TMEM181: variants seen among roughly 807,000 people sequenced by gnomAD.
TMEM181 encodes G protein-coupled receptor 178.
A neutral mutation model predicts 71.9 loss-of-function variants in TMEM181; 39 were observed. That is an observed-to-expected ratio of 0.54 (90% confidence interval 0.42 to 0.71). The LOEUF is 0.71. Ranked by LOEUF, TMEM181 falls within the 30% of genes least tolerant of loss-of-function variation. TMEM181 has a pLI of 0.00. For missense variants in TMEM181, 595 were observed against 583.0 expected (o/e 1.02, Z -0.21); for synonymous variants, 245 against 228.8 (o/e 1.07, Z -0.64).
In TMEM181 at chr6:158,628,420, T is replaced by A. The variant is rs1208710840; in HGVS notation, c.1122T>A (p.Leu374=). Residue 374 remains leucine, a synonymous_variant, in exon 14 of 17, where the codon CTT becomes CTA. Coordinates refer to ENST00000684151, the MANE Select transcript of TMEM181 (RefSeq NM_001376852.1). Reference sequence around the variant, plus strand: ...CTGTCTTGTTCAGCATCGCCATCCTTTATTTGAGATTTGGGGCGCAAGTAC... The same window carrying A: ...CTGTCTTGTTCAGCATCGCCATCCTATATTTGAGATTTGGGGCGCAAGTAC... ...FVVLVISIAI[L]YLRFGAQVLQ... 1 of 1,614,052 alleles carries A rather than the reference T, an allele frequency of 6.2e-7. No individual in the cohort carries two copies. Among genetic ancestry groups the A allele is most frequent in the African/African-American group, 1.3e-5 (1 of 74,924 alleles).
At chr6:158,553,641 A>G (rs1203329615) in intron 1 of TMEM181, among the ~76,000 whole-genome samples, 1 of 152,268 alleles carries the variant, frequency 6.6e-6, no homozygotes, top group Non-Finnish European at 1.5e-5. Context: ...GAAGACCAAT[A>G]TAAAACTGTC....
intron 6 of TMEM181, among the ~76,000 whole-genome samples, chr6:158,596,132 G>A (rs915653767): frequency 5.9e-5 from 9 of 152,114 alleles, no homozygotes; most frequent in Non-Finnish European, 1.0e-4. Context: ...GCGTTAGCCA[G>A]GATGGTCTTG....
At chr6:158,566,175 G>A (rs1782481426) in intron 1 of TMEM181, among the ~76,000 whole-genome samples, 1 of 152,106 alleles carries the variant, frequency 6.6e-6, no homozygotes, top group Admixed American at 6.6e-5. Context: ...AGGACCAGGG[G>A]TTTGGTGTGA....
At chr6:158,611,255 G>C (rs1306515610) in intron 10 of TMEM181, 2 of 497,158 alleles carry the variant, frequency 4.0e-6, no homozygotes, top group Non-Finnish European at 8.2e-6. Context: ...ACTCCTGGCT[G>C]TTCCTTCTCA....
chr6:158,623,689 C>G (rs1269585101), intron 11 of TMEM181, 82 bp downstream of exon 11: 7 of 1,038,456 alleles, frequency 6.7e-6, no homozygotes, highest in Non-Finnish European at 1.0e-5. Context: ...TTAAATTGTT[C>G]TGTTGAGCTT....
chr6:158,610,700 T>C, intron 10 of TMEM181: 1 of 288,388 alleles, frequency 3.5e-6, no homozygotes, highest in Non-Finnish European at 6.7e-6. Context: ...GGAGACGTTA[T>C]GGGCGCTCAC....
At chr6:158,550,515 G>A (rs1388619033) in intron 1 of TMEM181, among the ~76,000 whole-genome samples, 1 of 151,734 alleles carries the variant, frequency 6.6e-6, no homozygotes, top group African/African-American at 2.4e-5. Flanking sequence ...AATTAGCTGG[G>A]CGTGGTGTCG....
chr6:158,625,328 C>T, intron 12 of TMEM181, 122 bp downstream of exon 12: 1 of 848,704 alleles, frequency 1.2e-6, no homozygotes, highest in South Asian at 1.5e-5. Flanking sequence ...GGTCCATTCC[C>T]ACAGGCTGGG....
intron 1 of TMEM181, among the ~76,000 whole-genome samples, chr6:158,537,347 C>T (rs1781159682): frequency 6.6e-6 from 1 of 152,046 alleles, no homozygotes; most frequent in South Asian, 2.1e-4. Flanking sequence ...CAGGACGCCT[C>T]GGAGGCGGGG....
At chr6:158,590,573 C>T (rs965202736) in intron 6 of TMEM181, among the ~76,000 whole-genome samples, 1 of 152,108 alleles carries the variant, frequency 6.6e-6, no homozygotes, top group Non-Finnish European at 1.5e-5. Context: ...AAGCAATTCT[C>T]CTGCCTCAGC....
At chr6:158,544,475 A>G (rs1781460543) in intron 1 of TMEM181, among the ~76,000 whole-genome samples, 1 of 151,392 alleles carries the variant, frequency 6.6e-6, no homozygotes, top group African/African-American at 2.4e-5. Context: ...CTGCTGGGGT[A>G]GTGTGTGTGT....
intron 1 of TMEM181, among the ~76,000 whole-genome samples, chr6:158,553,516 C>T (rs549975042): frequency 1.0e-3 from 154 of 152,252 alleles, no homozygotes; most frequent in African/African-American, 3.0e-3. Flanking sequence ...ATTAAACCAA[C>T]AATATTAAAT....
At chr6:158,605,496 G>A (rs1784904083) in intron 7 of TMEM181, 149 bp downstream of exon 7, 2 of 742,950 alleles carry the variant, frequency 2.7e-6, no homozygotes, top group Non-Finnish European at 2.3e-6. Flanking sequence ...ACAACTCTGT[G>A]TGTCTGCCGA....
At chr6:158,595,868 C>G (rs1484648123) in intron 6 of TMEM181, among the ~76,000 whole-genome samples, 12 of 152,098 alleles carry the variant, frequency 7.9e-5, no homozygotes, top group Admixed American at 7.9e-4. Context: ...CAGGTGTGTT[C>G]AATTTGTGAC....
intron 7 of TMEM181, 54 bp downstream of exon 7, chr6:158,605,401 G>GT (rs1317189843): frequency 3.3e-6 from 5 of 1,533,762 alleles, no homozygotes; most frequent in Non-Finnish European, 4.5e-6. Context: ...GAAGAAGCTG[G>GT]TTTATGCAGT....
In TMEM181 at chr6:158,550,654, C is replaced by CA. The variant is rs199857644; in HGVS notation, c.131+13797dup. On this transcript the variant is annotated intron_variant, in intron 1 of 16. Transcript: ENST00000367090. ...CTCGTGATAGAGTGAGACTCCGTCT[C>CA]AAAAAAAAGAAAAAAAAATACGTAG... 5.1e-3 allele frequency among the ~76,000 whole-genome samples: 759 copies of CA among 149,184 alleles called. 8 individuals are homozygous for CA. The highest frequency in any genetic ancestry group is 0.014 in the African/African-American group (566 of 40,682).
chr6:158,631,711 G>A, intron 16 of TMEM181, 99 bp from the exon 17 acceptor site: 1 of 1,337,080 alleles, frequency 7.5e-7, no homozygotes, highest in Non-Finnish European at 1.0e-6. Flanking sequence ...AAAGAGCGAA[G>A]CTATGATTTA....
intron 1 of TMEM181, among the ~76,000 whole-genome samples, chr6:158,543,112 T>G (rs1231575125): frequency 6.6e-6 from 1 of 152,076 alleles, no homozygotes; most frequent in African/African-American, 2.4e-5. Context: ...CCTGACCTCG[T>G]GGTCTGCTTG....
intron 1 of TMEM181, among the ~76,000 whole-genome samples, chr6:158,560,988 G>A (rs1782137162): frequency 6.6e-6 from 1 of 152,140 alleles, no homozygotes. Context: ...GGTTAGCGCC[G>A]CGTGGAGTTG....
Sources: gnomAD v4.1 joint callset for allele counts (sites outside exome capture counted in the v4.1 genomes callset) on GRCh38, gnomAD v4.1.1 for gene constraint, MANE v1.5 for transcripts, NCBI Gene and HGNC (gene_info 2026-07-23, HGNC 2026-07-21) for gene names.